SH3KBP1: variants seen among roughly 807,000 people sequenced by gnomAD.
SH3KBP1 encodes SH3 domain containing kinase binding protein 1.
A neutral mutation model predicts 50.1 loss-of-function variants in SH3KBP1; 8 were observed. That is an observed-to-expected ratio of 0.16 (90% CI 0.09 to 0.29). The LOEUF is 0.29. Among genes scored for constraint, SH3KBP1 ranks in the 10% least tolerant of loss-of-function variants. The pLI is 1.00. For missense variants in SH3KBP1, 377 were observed against 535.2 expected, an observed-to-expected ratio of 0.70 and a Z score of 2.92; for synonymous variants, 227 against 218.6, an observed-to-expected ratio of 1.04 and a Z score of -0.34.
In SH3KBP1 at chrX:19,534,781, T is replaced by A. The variant is rs1018620885; in HGVS notation, c.*1636A>T. The A allele has an allele frequency of 3.4e-6, 1 of 294,348 alleles. No homozygotes were observed. The highest frequency in any genetic ancestry group is 2.8e-5 in the African/African-American group (1 of 36,019). The allele number at this position is 294,348 out of a possible 1,213,427, so 24.3% of individuals were successfully genotyped here. On this transcript the variant is annotated 3_prime_UTR_variant, in exon 18 of 18. Coordinates refer to ENST00000397821, the MANE Select transcript of SH3KBP1 (RefSeq NM_031892.3). ...CAAGGTGTTTGGGCTCCTTAAATAC[T>A]CGGAGGGAAATAACAGCCTCAAGTA...
rs541226457 is a variant in SH3KBP1, at chrX:19,597,709, G to A, written c.1006-2709C>T. On this transcript the variant is annotated intron_variant, in intron 9 of 17. Transcript: ENST00000397821. ...GCTGGGATTATAGGCATGAGCTGCC[G>A]TGTCTGGCAGCATAATTCTTAAGTG... 3.5e-4 allele frequency among the ~76,000 whole-genome samples: 39 copies of A among 112,263 alleles called. No individual in the cohort carries two copies. The South Asian group carries it at 0.011, about 33-fold the overall frequency.
chrX:19,750,510 G>A (rs755377550), intron 2 of SH3KBP1, among the ~76,000 whole-genome samples: 20 of 112,359 alleles, frequency 1.8e-4, no homozygotes, highest in African/African-American at 6.5e-4. Context: ...AAAGACCACA[G>A]GACAAGCTTT....
At chrX:19,692,689 A>ATATATATATT (rs1556257878) in intron 5 of SH3KBP1, among the ~76,000 whole-genome samples, 1 of 75,087 alleles carries the variant, frequency 1.3e-5, no homozygotes, top group African/African-American at 5.5e-5. Context: ...ATATATATAT[A>ATATATATATT]TTTTTTTTTT....
chrX:19,876,558 G>C (rs1191345351), intron 1 of SH3KBP1, among the ~76,000 whole-genome samples: 1 of 110,977 alleles, frequency 9.0e-6, no homozygotes, highest in African/African-American at 3.3e-5. Context: ...CACATCTCCG[G>C]GGGGGAGAAA....
intron 2 of SH3KBP1, among the ~76,000 whole-genome samples, chrX:19,805,348 C>T (rs2067015206): frequency 9.0e-6 from 1 of 110,703 alleles, no homozygotes; most frequent in South Asian, 3.8e-4. Flanking sequence ...TATGTGGAAC[C>T]AAAGCATTCC....
At chrX:19,863,780 C>A (rs1299377183) in intron 1 of SH3KBP1, among the ~76,000 whole-genome samples, 1 of 111,731 alleles carries the variant, frequency 9.0e-6, no homozygotes, top group East Asian at 2.8e-4. Flanking sequence ...GGCAAGAGTG[C>A]ACTGGATGTC....
chrX:19,819,216 T>C (rs1180735685), intron 2 of SH3KBP1, among the ~76,000 whole-genome samples: 1 of 112,439 alleles, frequency 8.9e-6, no homozygotes, highest in African/African-American at 3.2e-5. Context: ...TATTCGCTTA[T>C]TGTCCCTTTA....
At chrX:19,841,775 G>A (rs1330555790) in intron 1 of SH3KBP1, among the ~76,000 whole-genome samples, 1 of 108,597 alleles carries the variant, frequency 9.2e-6, no homozygotes, top group African/African-American at 3.4e-5. Flanking sequence ...GACATTGAGA[G>A]GTAAATAATG....
chrX:19,614,552 T>C (rs970155952), intron 8 of SH3KBP1, among the ~76,000 whole-genome samples: 1 of 111,945 alleles, frequency 8.9e-6, no homozygotes, highest in Non-Finnish European at 1.9e-5. Flanking sequence ...CCAGACTCCA[T>C]ACCCATTAAA....
intron 2 of SH3KBP1, among the ~76,000 whole-genome samples, chrX:19,747,433 A>C (rs2148822145): frequency 9.0e-6 from 1 of 111,306 alleles, no homozygotes; most frequent in South Asian, 3.8e-4. Flanking sequence ...GACCCAAAGC[A>C]TGGCTGAATG....
chrX:19,791,701 G>A (rs985799101), intron 2 of SH3KBP1, among the ~76,000 whole-genome samples: 1 of 111,395 alleles, frequency 9.0e-6, no homozygotes, highest in Non-Finnish European at 1.9e-5. Context: ...TCTTTCAGTA[G>A]TGAACAGAAT....
intron 12 of SH3KBP1, among the ~76,000 whole-genome samples, chrX:19,580,386 C>T (rs1423160406): frequency 9.0e-6 from 1 of 111,608 alleles, no homozygotes; most frequent in Non-Finnish European, 1.9e-5. Flanking sequence ...CCACGCTTGG[C>T]CGCTTGCCCA....
At chrX:19,621,164 T>C (rs1457128034) in intron 8 of SH3KBP1, among the ~76,000 whole-genome samples, 1 of 103,121 alleles carries the variant, frequency 9.7e-6, no homozygotes, top group Non-Finnish European at 2.0e-5. Context: ...AAGCTCCGCC[T>C]TCTGGGTTCA....
intron 6 of SH3KBP1, among the ~76,000 whole-genome samples, chrX:19,677,361 G>T (rs1404067191): frequency 9.0e-6 from 1 of 111,517 alleles, no homozygotes; most frequent in Admixed American, 9.5e-5. Context: ...TCCCTCTCAG[G>T]TCCACAGGTG....
Position 19,706,933 on chromosome X carries a change from T to C in SH3KBP1, c.338A>G (p.Asn113Ser). 1 of 1,211,885 alleles carries C rather than the reference T, an allele frequency of 8.3e-7. No homozygotes were observed. Among genetic ancestry groups the C allele is most frequent in the Middle Eastern group, 2.3e-4 (1 of 4,325 alleles). ...CQVAFSYLPQ[N>S]DDELELKVGD... Reference sequence around the variant, plus strand: ...AACTTTCAGCTCAAGTTCATCGTCATTCTGGGGCAGGTAGCTGAATGCCAC... The same window carrying C: ...AACTTTCAGCTCAAGTTCATCGTCACTCTGGGGCAGGTAGCTGAATGCCAC... The change falls in exon 4 of 18, where the codon AAT (asparagine) becomes AGT (serine). Residue 113 changes from asparagine (N) to serine (S), a missense_variant. Physicochemically the swap from Asn to Ser is conservative, Grantham distance 46. Transcript: ENST00000397821.
chrX:19,792,744 T>C (rs1318984011), intron 2 of SH3KBP1, among the ~76,000 whole-genome samples: 1 of 91,894 alleles, frequency 1.1e-5, no homozygotes, highest in Non-Finnish European at 2.1e-5. Flanking sequence ...CTGGAGACGC[T>C]TTCCTTTGTT....
intron 6 of SH3KBP1, among the ~76,000 whole-genome samples, chrX:19,677,859 C>T (rs1326092912): frequency 8.9e-6 from 1 of 112,297 alleles, no homozygotes; most frequent in East Asian, 2.8e-4. Context: ...CACAATTAGA[C>T]ACTCCTGCCG....
chrX:19,541,141 T>C (rs1279735803), intron 16 of SH3KBP1, among the ~76,000 whole-genome samples: 1 of 111,962 alleles, frequency 8.9e-6, no homozygotes, highest in East Asian at 2.8e-4. Flanking sequence ...AGTCTCAAAC[T>C]CCTGACCTCA....
intron 2 of SH3KBP1, among the ~76,000 whole-genome samples, chrX:19,750,040 C>T (rs905072532): frequency 5.4e-5 from 6 of 111,323 alleles, no homozygotes; most frequent in Non-Finnish European, 1.1e-4. Flanking sequence ...CTCAACCTGT[C>T]TAGCTTCAGA....
Sources: gnomAD v4.1 joint callset for allele counts (sites outside exome capture counted in the v4.1 genomes callset) on GRCh38, gnomAD v4.1.1 for gene constraint, MANE v1.5 for transcripts, NCBI Gene and HGNC (gene_info 2026-07-23, HGNC 2026-07-21) for gene names.